The following TBRG1 variants were observed in gnomAD, a reference collection of about 807,000 sequenced individuals.
The protein encoded by TBRG1 is transforming growth factor beta regulator 1.
A neutral mutation model predicts 44.0 loss-of-function variants in TBRG1; 31 were observed. The ratio of observed to expected loss-of-function variants is 0.70; its 90% CI spans 0.53 to 0.95. The LOEUF (loss-of-function observed/expected upper bound fraction) is 0.95, where lower values mean the gene tolerates loss of function less well. TBRG1 is among the 40% of genes least tolerant of loss of function. The probability of loss-of-function intolerance (pLI) is 0.00; values close to 1 mark genes in which losing one functional copy is unlikely to be tolerated. For missense variants in TBRG1, 487 were observed against 496.1 expected, an observed-to-expected ratio of 0.98 and a Z score of 0.18; for synonymous variants, 171 against 188.1, an observed-to-expected ratio of 0.91 and a Z score of 0.74.
At chr11:124,623,805 C>T (rs547232457) in intron 1 of TBRG1, among the ~76,000 whole-genome samples, 1 of 152,288 alleles carries the variant, frequency 6.6e-6, no homozygotes, top group South Asian at 2.1e-4. Flanking sequence ...GTGTTTCTTC[C>T]TTTCTTTTAT....
intron 6 of TBRG1, 122 bp from the exon 7 acceptor site, chr11:124,630,623 G>A: frequency 1.0e-6 from 1 of 990,310 alleles, no homozygotes; most frequent in African/African-American, 1.6e-5. Flanking sequence ...GTGCCAACTA[G>A]AGCCTCCACA....
At position 124,626,472 on chromosome 11, in the gene TBRG1, G is replaced by T; in HGVS notation, c.455-1G>T. On this transcript the variant is annotated splice_acceptor_variant, in intron 3 of 8. Coordinates refer to ENST00000441174, the MANE Select transcript of TBRG1 (RefSeq NM_032811.3). LOFTEE classifies it high-confidence loss of function. Reference sequence around the variant, plus strand: ...TGGGTGACCCCAGATTTGCGTTTCAGTTCTGAAGAAAACATGCAAGAAAAA... The same window carrying T: ...TGGGTGACCCCAGATTTGCGTTTCATTTCTGAAGAAAACATGCAAGAAAAA... The T allele has an allele frequency of 1.3e-6, 2 of 1,534,948 alleles. No homozygotes were observed. Among genetic ancestry groups the T allele is most frequent in the African/African-American group, 1.4e-5 (1 of 72,874 alleles).
rs576850218 is a variant in TBRG1, at chr11:124,630,553, G to T, written c.836+68G>T. ...TTGGTACAGTGAAACCTTTTCTCTTGCTTTTAATGGGTGGAGATACTTTAT... is the reference window on the plus strand; with the variant it reads ...TTGGTACAGTGAAACCTTTTCTCTTTCTTTTAATGGGTGGAGATACTTTAT... On this transcript the variant is annotated intron_variant, in intron 6 of 8. Transcript: ENST00000441174. The T allele has an allele frequency of 7.2e-5, 90 of 1,245,354 alleles. 1 individual carries two copies. In the Admixed American group the frequency reaches 7.4e-4, roughly 10 times the overall value. 77.1% of individuals were successfully genotyped at this position (1,245,354 alleles called of 1,614,324 possible). A position where few individuals can be genotyped will look rare whatever the true frequency, so the allele number is the denominator to read the frequency against.
intron 2 of TBRG1, 116 bp downstream of exon 2, chr11:124,625,117 C>A: frequency 1.4e-6 from 1 of 708,300 alleles, no homozygotes; most frequent in Non-Finnish European, 2.4e-6. Flanking sequence ...GCGTATCGCA[C>A]AGCCCCTTGG....
At chr11:124,626,703 T>C in intron 4 of TBRG1, 94 bp downstream of exon 4, 1 of 1,485,192 alleles carries the variant, frequency 6.7e-7, no homozygotes, top group South Asian at 1.2e-5. Context: ...CAGCAGCCTC[T>C]TGCTGATCCA....
Position 124,622,969 on chromosome 11 carries a change from T to TTA in TBRG1, c.-115_-114insTA. ...CTGGGAACGTCCCGGAGAGCTAGAT[T>TTA]CCTAGAGGCCCGATTCCGCTAGCCC... On this transcript the variant is annotated 5_prime_UTR_variant, in exon 1 of 9. Coordinates refer to ENST00000441174, the MANE Select transcript of TBRG1 (RefSeq NM_032811.3). The TTA allele has an allele frequency of 8.4e-7, 1 of 1,197,484 alleles. No individual in the cohort carries two copies. Among genetic ancestry groups the TTA allele is most frequent in the South Asian group, 1.6e-5 (1 of 62,562 alleles). The allele number at this position is 1,197,484 out of a possible 1,614,324, so 74.2% of individuals were successfully genotyped here.
intron 1 of TBRG1, 110 bp from the exon 2 acceptor site, chr11:124,624,821 C>T (rs1942423997): frequency 6.8e-6 from 5 of 731,940 alleles, no homozygotes; most frequent in Non-Finnish European, 9.3e-6. Context: ...ATAGCTCCTT[C>T]TTCTCAGTAA....
chr11:124,631,940 T>C, intron 8 of TBRG1, 153 bp from the exon 9 acceptor site: 1 of 641,198 alleles, frequency 1.6e-6, no homozygotes, highest in South Asian at 2.0e-5. Flanking sequence ...GTTTTCATTG[T>C]AAAAGTATCT....
chr11:124,623,892 G>A, intron 1 of TBRG1, among the ~76,000 whole-genome samples: 1 of 152,150 alleles, frequency 6.6e-6, no homozygotes, highest in East Asian at 1.9e-4. Flanking sequence ...GAATAGTTTG[G>A]CTTGCCTCAG....
chr11:124,627,201 A>C (rs537096867), intron 5 of TBRG1, among the ~76,000 whole-genome samples, 151 bp downstream of exon 5: 1 of 152,322 alleles, frequency 6.6e-6, no homozygotes, highest in Admixed American at 6.5e-5. Context: ...CCTAAGTCAC[A>C]CCTCTGCTAA....
Position 124,623,244 on chromosome 11 carries a change from C to G in TBRG1, c.150+11C>G, listed in dbSNP as rs986101190. The G allele has an allele frequency of 9.7e-6, 15 of 1,551,264 alleles. No individual in the cohort carries two copies. In the East Asian group the frequency reaches 3.4e-4, roughly 35 times the overall value. ...AAGGCCACGGTGTTTGTGAGTCTGA[C>G]CCACGTTCAGCCGGTCCCCTCCTGG... is the stretch of plus-strand genomic sequence containing the variant. On this transcript the variant is annotated intron_variant, in intron 1 of 8. Transcript: ENST00000441174.
Position 124,622,867 on chromosome 11 carries a change from TCCAAGAC to T in TBRG1, c.-216_-210del. On this transcript the variant is annotated 5_prime_UTR_variant, in exon 1 of 9. Transcript: ENST00000441174. ...ACGTAACTTCCGGGAAGGGCTTACT[TCCAAGAC>T]AGACACGGAAGTGCTGGGAGGCGCC... 1 of 545,600 alleles carries T rather than the reference TCCAAGAC, an allele frequency of 1.8e-6. No homozygotes were observed. Among genetic ancestry groups the T allele is most frequent in the Admixed American group, 3.6e-5 (1 of 28,004 alleles). 33.8% of individuals were successfully genotyped at this position (545,600 alleles called of 1,614,324 possible). A position where few individuals can be genotyped will look rare whatever the true frequency, so the allele number is the denominator to read the frequency against.
chr11:124,623,854 A>G (rs1402997925), intron 1 of TBRG1, among the ~76,000 whole-genome samples: 2 of 152,244 alleles, frequency 1.3e-5, no homozygotes, highest in Non-Finnish European at 2.9e-5. Flanking sequence ...TAAACTTAAT[A>G]TAGCTTGCCA....
At chr11:124,631,043 G>GATT (rs1942599287) in intron 7 of TBRG1, 188 bp downstream of exon 7, 2 of 633,320 alleles carry the variant, frequency 3.2e-6, no homozygotes, top group Middle Eastern at 4.2e-4. Context: ...ACTGTTCGCT[G>GATT]ATTATTACTA....
chr11:124,626,998 A>C lies in TBRG1; in HGVS notation c.686A>C (p.Asp229Ala). ...TRIYASMKCPDQKCLYTCQIK... is the reference protein window; with the variant it reads ...TRIYASMKCPAQKCLYTCQIK... Reference sequence around the variant, plus strand: ...ATATATGCCAGCATGAAGTGCCCAGACCAGAAGTGTCTATATACCTGTCAG... The same window carrying C: ...ATATATGCCAGCATGAAGTGCCCAGCCCAGAAGTGTCTATATACCTGTCAG... Residue 229 changes from aspartate (D) to alanine (A), a missense_variant, in exon 5 of 9, where the codon GAC becomes GCC. By Grantham distance (126) the Asp-to-Ala change is moderately radical. Transcript: ENST00000441174. 1 of 1,568,578 alleles carries C rather than the reference A, an allele frequency of 6.4e-7. No homozygotes were observed. Among genetic ancestry groups the C allele is most frequent in the Admixed American group, 1.9e-5 (1 of 53,350 alleles).
Position 124,623,211 on chromosome 11 carries a change from A to G in TBRG1, c.128A>G (p.Lys43Arg), listed in dbSNP as rs1252817523. 1.9e-6 allele frequency: 3 copies of G among 1,551,588 alleles called. No homozygotes were observed. Among genetic ancestry groups the G allele is most frequent in the South Asian group, 1.2e-5 (1 of 84,066 alleles). ...CGGCTGAAGTACCTGCGGCTGCGCA[A>G]AGCGGCCAAGGCCACGGTGTTTGTG... ...KYRLKYLRLR[K>R]AAKATVFENA... The change falls in exon 1 of 9, where the codon AAA becomes AGA. Residue 43 changes from lysine to arginine, a missense_variant. Transcript: ENST00000441174.
intron 1 of TBRG1, 34 bp from the exon 2 acceptor site, chr11:124,624,897 T>C (rs1366078441): frequency 3.7e-6 from 5 of 1,367,064 alleles, no homozygotes; most frequent in East Asian, 2.5e-5. Flanking sequence ...TTTTTATTCA[T>C]TTTATGTTAT....
chr11:124,626,886 G>A lies in TBRG1; in HGVS notation c.592-18G>A. The A allele has an allele frequency of 6.3e-7, 1 of 1,599,846 alleles. No homozygotes were observed. Among genetic ancestry groups the A allele is most frequent in the African/African-American group, 1.3e-5 (1 of 74,832 alleles). ...CTTCAGTGACCTCAATCCCAGGTTG[G>A]GGGAATGTTTTTTATAGATCATCAC... On this transcript the variant is annotated intron_variant, in intron 4 of 8. Coordinates refer to ENST00000441174, the MANE Select transcript of TBRG1 (RefSeq NM_032811.3).
In TBRG1 at chr11:124,625,006, G is replaced by A; in HGVS notation, c.221+5G>A. The A allele has an allele frequency of 1.3e-6, 2 of 1,541,378 alleles. No homozygotes were observed. Among genetic ancestry groups the A allele is most frequent in the African/African-American group, 1.4e-5 (1 of 72,798 alleles). On this transcript the variant is annotated splice_donor_5th_base_variant and intron_variant, in intron 2 of 8. Coordinates refer to ENST00000441174, the MANE Select transcript of TBRG1 (RefSeq NM_032811.3). ...TAAAGCAAAAGAAGAAAGAAGGTGAGCTGGCTTCATTTTGTGTTCAGCATC... is the reference window on the plus strand; with the variant it reads ...TAAAGCAAAAGAAGAAAGAAGGTGAACTGGCTTCATTTTGTGTTCAGCATC...
Sources: allele counts gnomAD v4.1 joint callset (sites outside exome capture counted in the v4.1 genomes callset), GRCh38; gene constraint gnomAD v4.1.1; transcripts MANE v1.5; gene names NCBI Gene and HGNC (gene_info 2026-07-23, HGNC 2026-07-21).